The following MARCHF10 variants were observed in gnomAD, a reference collection of about 807,000 sequenced individuals.
The protein encoded by MARCHF10 is membrane associated ring-CH-type finger 10.
MARCHF10 carries 64 observed loss-of-function variants against 76.2 expected under a neutral mutation model. The ratio of observed to expected loss-of-function variants is 0.84; its 90% CI spans 0.69 to 1.03. The LOEUF (loss-of-function observed/expected upper bound fraction) is 1.03. Among genes scored for constraint, MARCHF10 ranks in the 50% least tolerant of loss-of-function variants. The probability of loss-of-function intolerance (pLI) is 0.00; values close to 1 mark genes in which losing one functional copy is unlikely to be tolerated. For synonymous variants in MARCHF10, 340 were observed against 357.5 expected (o/e 0.95, Z 0.55); for missense variants, 875 against 958.0 (o/e 0.91, Z 1.14).
intron 2 of MARCHF10, among the ~76,000 whole-genome samples, chr17:62,789,534 AGTT>A (rs1270796370): frequency 3.3e-5 from 5 of 152,158 alleles, no homozygotes; most frequent in African/African-American, 7.2e-5. Context: ...TATTGTAGGT[AGTT>A]GTTTGTGGTT....
chr17:62,702,140 G>T (rs768388353), intron 10 of MARCHF10, among the ~76,000 whole-genome samples: 20 of 152,100 alleles, frequency 1.3e-4, no homozygotes, highest in Non-Finnish European at 1.9e-4. Context: ...GGACCCAGGT[G>T]TTTCAGGAGT....
rs1040994834 is a variant in MARCHF10 at position 62,801,559 on chromosome 17, T to C, written c.90+87A>G. On this transcript the variant is annotated intron_variant, in intron 2 of 10. Coordinates refer to ENST00000311269, the MANE Select transcript of MARCHF10 (RefSeq NM_152598.4). ...GGTTTGGATTTTAGAAAACTTTTACTGCTTATCATACGTTGATGCTGTATT... is the reference window on the plus strand; with the variant it reads ...GGTTTGGATTTTAGAAAACTTTTACCGCTTATCATACGTTGATGCTGTATT... The C allele has an allele frequency of 1.1e-5, 13 of 1,197,548 alleles. No homozygotes were observed. The African/African-American group carries it at 1.7e-4, about 15-fold the overall frequency. 74.2% of individuals were successfully genotyped at this position (1,197,548 alleles called of 1,614,324 possible).
At chr17:62,768,737 A>G (rs1330428763) in intron 3 of MARCHF10, among the ~76,000 whole-genome samples, 1 of 152,186 alleles carries the variant, frequency 6.6e-6, no homozygotes, top group South Asian at 2.1e-4. Flanking sequence ...CCACACTTCA[A>G]GATACTTTAC....
At chr17:62,705,278 G>C (rs1323549440) in intron 10 of MARCHF10, 8 of 1,418,152 alleles carry the variant, frequency 5.6e-6, no homozygotes, top group Non-Finnish European at 7.3e-6. Context: ...ATCTCATGCC[G>C]GAAGATAACC....
At chr17:62,804,488 G>C (rs1229795507) in intron 1 of MARCHF10, among the ~76,000 whole-genome samples, 1 of 152,180 alleles carries the variant, frequency 6.6e-6, no homozygotes. Context: ...AAGAAACCAG[G>C]TGGGTGCCGT....
At chr17:62,796,289 G>T (rs779655430) in intron 2 of MARCHF10, among the ~76,000 whole-genome samples, 55 of 152,104 alleles carry the variant, frequency 3.6e-4, no homozygotes, top group Admixed American at 5.2e-4. Context: ...ACTGCGCCCG[G>T]CCTACATCAT....
intron 8 of MARCHF10, among the ~76,000 whole-genome samples, chr17:62,721,767 G>C (rs7359519): frequency 6.6e-6 from 1 of 152,122 alleles, no homozygotes. Context: ...GCTGTATGTA[G>C]GTAAAGCAGT....
intron 6 of MARCHF10, among the ~76,000 whole-genome samples, chr17:62,726,654 A>G (rs973169234): frequency 6.6e-6 from 1 of 152,146 alleles, no homozygotes; most frequent in Admixed American, 6.5e-5. Flanking sequence ...TTGTTTTGAG[A>G]TGGAGTCTTG....
intron 4 of MARCHF10, among the ~76,000 whole-genome samples, chr17:62,746,463 A>AGAG (rs1568151723): frequency 6.6e-6 from 1 of 150,640 alleles, no homozygotes; most frequent in East Asian, 2.0e-4. Context: ...GAGAGACAGA[A>AGAG]AGACAGAGAG....
chr17:62,741,622 G>T (rs923864638), intron 5 of MARCHF10, among the ~76,000 whole-genome samples: 3 of 152,158 alleles, frequency 2.0e-5, no homozygotes, highest in African/African-American at 7.2e-5. Context: ...TTCTGAGGTT[G>T]AACTTTTTAA....
At chr17:62,726,615 G>A (rs2090767792) in intron 6 of MARCHF10, among the ~76,000 whole-genome samples, 1 of 152,100 alleles carries the variant, frequency 6.6e-6, no homozygotes, top group Non-Finnish European at 1.5e-5. Context: ...GCAGAAAAGT[G>A]GTAGAAGATT....
intron 5 of MARCHF10, among the ~76,000 whole-genome samples, chr17:62,741,120 T>A (rs1041329104): frequency 6.6e-6 from 1 of 152,196 alleles, no homozygotes; most frequent in Non-Finnish European, 1.5e-5. Context: ...AGTGAAGAAA[T>A]TAAGTATCTT....
rs2091356614 is a variant in MARCHF10 at position 62,738,060 on chromosome 17, T to TCACACACACATA, written c.536-729_536-728insTATGTGTGTGTG. ...AACTGTCTCTCTCTGTCTCTCTCTG[T>TCACACACACATA]CACACACACACACACACACACACAC... On this transcript the variant is annotated intron_variant, in intron 5 of 10. Transcript: ENST00000311269. This position sits in a 1 kb window ranked among gnomAD's most constrained non-coding sequence, Gnocchi z 4.0. 7 of 127,398 alleles carry TCACACACACATA rather than the reference T, an allele frequency of 5.5e-5. No individual in the cohort carries two copies. The South Asian group carries it at 2.0e-3, about 36-fold the overall frequency. The allele number at this position is 127,398 out of a possible 1,614,324, so 7.9% of individuals were successfully genotyped here.
At chr17:62,727,429 G>GA (rs774864177) in intron 6 of MARCHF10, among the ~76,000 whole-genome samples, 1 of 152,082 alleles carries the variant, frequency 6.6e-6, no homozygotes, top group Non-Finnish European at 1.5e-5. Context: ...AGCACTTTGG[G>GA]AAGCCGAGGC....
At chr17:62,754,863 A>G (rs1226895418) in intron 4 of MARCHF10, among the ~76,000 whole-genome samples, 1 of 152,214 alleles carries the variant, frequency 6.6e-6, no homozygotes, top group Admixed American at 6.5e-5. Flanking sequence ...GGCCTTTCAG[A>G]GAAAATCTTC....
At chr17:62,778,250 G>A (rs972434785) in intron 3 of MARCHF10, among the ~76,000 whole-genome samples, 24 of 152,092 alleles carry the variant, frequency 1.6e-4, no homozygotes, top group African/African-American at 5.1e-4. Context: ...AGATGAGCTC[G>A]GGAGGTAGGC....
intron 4 of MARCHF10, among the ~76,000 whole-genome samples, chr17:62,745,492 C>T (rs987708086): frequency 2.6e-5 from 4 of 152,136 alleles, no homozygotes; most frequent in African/African-American, 7.2e-5. Context: ...TTGGGACACG[C>T]AATGGCCCTG....
At position 62,788,491 on chromosome 17, in the gene MARCHF10, A is replaced by T; in HGVS notation, c.199T>A (p.Ser67Thr). The T allele has an allele frequency of 3.1e-6, 5 of 1,614,164 alleles. No homozygotes were observed. Among genetic ancestry groups the T allele is most frequent in the Non-Finnish European group, 4.2e-6 (5 of 1,180,016 alleles). Residue 67 changes from serine to threonine, a missense_variant, in exon 3 of 11, where the codon TCT becomes ACT. Ser to Thr is a moderately conservative substitution (Grantham distance 58, BLOSUM62 1). Coordinates refer to ENST00000311269, the MANE Select transcript of MARCHF10 (RefSeq NM_152598.4). ...AGAATTCTTCATACCTGTTTGGAAG[A>T]TGACCTGCTAGAAAACCGGGATCTC... ...FERSRFSSRS[S>T]SKQSSSEEDA...
intron 4 of MARCHF10, among the ~76,000 whole-genome samples, chr17:62,755,626 G>A (rs1399832801): frequency 6.6e-6 from 1 of 152,184 alleles, no homozygotes; most frequent in Admixed American, 6.5e-5. Flanking sequence ...TGGGATTTCT[G>A]AGCTGACTGC....
Sources: allele counts gnomAD v4.1 joint callset (sites outside exome capture counted in the v4.1 genomes callset), GRCh38; gene constraint gnomAD v4.1.1; non-coding constraint Gnocchi (gnomAD v3.1); transcripts MANE v1.5; gene names NCBI Gene and HGNC (gene_info 2026-07-23, HGNC 2026-07-21).